The following MST1 variants were observed in gnomAD, a reference collection of about 807,000 sequenced individuals.
The protein encoded by MST1 is hepatocyte growth factor-like protein.
MST1 carries 76 observed loss-of-function variants against 100.1 expected under a neutral mutation model. That is an observed-to-expected ratio of 0.76 (90% CI 0.63 to 0.92). The LOEUF is 0.92. MST1 is among the 40% of genes least tolerant of loss of function. The pLI, the probability that MST1 is intolerant of heterozygous loss-of-function variation, is 0.00. For missense variants in MST1, 850 were observed against 990.0 expected (o/e 0.86, Z 1.90); for synonymous variants, 352 against 385.4 (o/e 0.91, Z 1.01).
In MST1 at chr3:49,686,659, C is replaced by G. The variant is rs1407398520; in HGVS notation, c.847+25G>C. The G allele has an allele frequency of 1.2e-5, 19 of 1,549,622 alleles. No homozygotes were observed. In the African/African-American group the frequency reaches 2.5e-4, roughly 20 times the overall value. On this transcript the variant is annotated intron_variant, in intron 7 of 17. Coordinates refer to ENST00000449682, the MANE Select transcript of MST1 (RefSeq NM_020998.4). Reference sequence around the variant, plus strand: ...CCTCCCCAAGGTTCCCAGGTACCCTCCCAGGCCTGGTCCCCGCCGCCTACC... The same window carrying G: ...CCTCCCCAAGGTTCCCAGGTACCCTGCCAGGCCTGGTCCCCGCCGCCTACC...
intron 9 of MST1, 43 bp from the exon 10 acceptor site, chr3:49,686,005 G>A: frequency 6.2e-7 from 1 of 1,603,098 alleles, no homozygotes; most frequent in South Asian, 1.1e-5. Context: ...ACCTCGCCCC[G>A]GCCCTCCGGT....
In MST1 at chr3:49,686,673, C is replaced by T; in HGVS notation, c.847+11G>A. ...CCAGGTACCCTCCCAGGCCTGGTCC[C>T]CGCCGCCTACCGCAGCGGGGGAGGT... is the stretch of plus-strand genomic sequence containing the variant. On this transcript the variant is annotated intron_variant, in intron 7 of 17. Transcript: ENST00000449682. 2 of 1,551,566 alleles carry T rather than the reference C, an allele frequency of 1.3e-6. No individual in the cohort carries two copies. Among genetic ancestry groups the T allele is most frequent in the Non-Finnish European group, 1.7e-6 (2 of 1,147,100 alleles).
chr3:49,686,198 C>A lies in MST1; in HGVS notation c.1017-6G>T. 6.2e-7 allele frequency: 1 copy of A among 1,610,930 alleles called. No individual in the cohort carries two copies. The highest frequency in any genetic ancestry group is 8.5e-7 in the Non-Finnish European group (1 of 1,179,348). ...AGAAGTTCTCCCGAAGGTCTCTAAG[C>A]AGGCGCTCCACTCAGCCCTAGCCCG... is the stretch of plus-strand genomic sequence containing the variant. On this transcript the variant is annotated splice_polypyrimidine_tract_variant and splice_region_variant and intron_variant, in intron 8 of 17. Coordinates refer to ENST00000449682, the MANE Select transcript of MST1 (RefSeq NM_020998.4).
In MST1 at chr3:49,686,305, C is replaced by CCG; in HGVS notation, c.1016+7_1016+8insCG. The CCG allele has an allele frequency of 6.7e-7, 1 of 1,500,566 alleles. No individual in the cohort carries two copies. The highest frequency in any genetic ancestry group is 9.0e-7 in the Non-Finnish European group (1 of 1,112,070). The allele number at this position is 1,500,566 out of a possible 1,614,324, so 93.0% of individuals were successfully genotyped here. On this transcript the variant is annotated splice_region_variant and intron_variant, in intron 8 of 17. Transcript: ENST00000449682. Reference sequence around the variant, plus strand: ...CGTCCCAACGCCCGCCCCCCCCCCCCACCTCACTTGCACGCGTATTTTTCT... The same window carrying CCG: ...CGTCCCAACGCCCGCCCCCCCCCCCCCGACCTCACTTGCACGCGTATTTTTCT...
rs1438963753 is a variant in MST1 at position 49,685,925 on chromosome 3, C to T, written c.1185G>A (p.Thr395=). The T allele has an allele frequency of 1.9e-6, 3 of 1,609,362 alleles. No individual in the cohort carries two copies. Among genetic ancestry groups the T allele is most frequent in the East Asian group, 2.2e-5 (1 of 44,834 alleles). The change falls in exon 10 of 18, where the codon ACG becomes ACA. Residue 395 remains threonine, a synonymous_variant. Coordinates refer to ENST00000449682, the MANE Select transcript of MST1 (RefSeq NM_020998.4). ...YHGAGEQYRG[T]VSKTRKGVQC... is the part of the protein sequence containing the mutation. ...GGACACCCTTGCGGGTCTTGCTGACCGTGCCGCGGTACTGCTCCCCTGCGC... is the reference window on the plus strand; with the variant it reads ...GGACACCCTTGCGGGTCTTGCTGACTGTGCCGCGGTACTGCTCCCCTGCGC...
At chr3:49,687,717 C>T in intron 2 of MST1, 33 bp downstream of exon 2, 1 of 1,613,540 alleles carries the variant, frequency 6.2e-7, no homozygotes, top group Middle Eastern at 1.7e-4. Flanking sequence ...GCTTCCCTGC[C>T]CCCAGTCTTA....
Position 49,684,794 on chromosome 3 carries a change from T to C in MST1, c.1713A>G (p.Val571=), listed in dbSNP as rs754909919. 2 of 1,613,568 alleles carry C rather than the reference T, an allele frequency of 1.2e-6. No individual in the cohort carries two copies. The highest frequency in any genetic ancestry group is 3.3e-5 in the Admixed American group (2 of 60,024). The change falls in exon 15 of 18, where the codon GTA becomes GTG. Residue 571 remains valine (V), a synonymous_variant. Coordinates refer to ENST00000449682, the MANE Select transcript of MST1 (RefSeq NM_020998.4). ...HGEPSLQRVP[V]AKMVCGPSGS... ...CTGAGGGCCCACACACCATCTTGGCTACTGGGACCCGCTGTAGGCTTGGCT... is the reference window on the plus strand; with the variant it reads ...CTGAGGGCCCACACACCATCTTGGCCACTGGGACCCGCTGTAGGCTTGGCT...
chr3:49,686,406 G>A lies in MST1; in HGVS notation c.923C>T (p.Thr308Ile). Residue 308 changes from threonine (T) to isoleucine (I), a missense_variant, in exon 8 of 18, where the codon ACA becomes ATA. Transcript: ENST00000449682. ...FRGKGEGYRG[T>I]ANTTTAGVPC... ...TACGCCCGCAGTGGTGGTATTGGCT[G>A]TGCCCCGGTAGCCCTCACCCTTCCC... The A allele has an allele frequency of 1.9e-6, 3 of 1,611,936 alleles. No individual in the cohort carries two copies. The highest frequency in any genetic ancestry group is 1.7e-6 in the Non-Finnish European group (2 of 1,179,756).
chr3:49,688,794 C>T lies in MST1; in HGVS notation c.-103G>A. On this transcript the variant is annotated 5_prime_UTR_variant, in exon 1 of 18. The change abolishes an upstream ATG in the 5' untranslated region. Transcript: ENST00000449682. ...TGACCTGAGACCTGGTGACAGGAGC[C>T]ATGAGGGGCCAGGCCTCAGGTCCCA... 2.3e-6 allele frequency: 2 copies of T among 872,006 alleles called. No homozygotes were observed. Among genetic ancestry groups the T allele is most frequent in the African/African-American group, 3.4e-5 (2 of 59,662 alleles). 54.0% of individuals were successfully genotyped at this position (872,006 alleles called of 1,614,324 possible).
At chr3:49,687,503 A>G (rs377740163) in intron 3 of MST1, 25 bp from the exon 4 acceptor site, 7 of 1,613,332 alleles carry the variant, frequency 4.3e-6, no homozygotes, top group African/African-American at 2.7e-5. Flanking sequence ...CAGAAGATCA[A>G]CTTGGGCTGA....
chr3:49,684,961 G>A (rs1297152851), intron 14 of MST1, 51 bp downstream of exon 14: 1 of 1,612,882 alleles, frequency 6.2e-7, no homozygotes, highest in African/African-American at 1.3e-5. Context: ...CTTGCCTGGG[G>A]AAGGGGGAAG....
rs1389468688 is a variant in MST1 at position 49,684,118 on chromosome 3, G to A, written c.2088C>T (p.Asn696=). 6.2e-7 allele frequency: 1 copy of A among 1,613,682 alleles called. No homozygotes were observed. The change falls in exon 18 of 18, where the codon AAC becomes AAT. Residue 696 remains asparagine, a synonymous_variant. Coordinates refer to ENST00000449682, the MANE Select transcript of MST1 (RefSeq NM_020998.4). ...CWVLEGIIIP[N]RVCARSRWPA... is the part of the protein sequence containing the mutation. ...GCCAGCGGGACCTTGCGCATACTCGGTTGGGGATTATAATTCCTTCCAGGA... is the reference window on the plus strand; with the variant it reads ...GCCAGCGGGACCTTGCGCATACTCGATTGGGGATTATAATTCCTTCCAGGA...
rs777701471 is a variant in MST1, at chr3:49,687,437, G to A, written c.397C>T (p.Arg133Trp). 12 of 1,613,244 alleles carry A rather than the reference G, an allele frequency of 7.4e-6. No individual in the cohort carries two copies. Among genetic ancestry groups the A allele is most frequent in the Middle Eastern group, 1.6e-4 (1 of 6,078 alleles). ...TCIMNNGVGYRGTMATTVGGL... is the reference protein window; with the variant it reads ...TCIMNNGVGYWGTMATTVGGL... ...CCCACGGTCGTGGCCATGGTGCCCC[G>A]GTACCCAACCCCATTGTTCATGATG... The change falls in exon 4 of 18, where the codon CGG becomes TGG. Residue 133 changes from arginine to tryptophan, a missense_variant. Arg to Trp is a moderately radical substitution (Grantham distance 101). Coordinates refer to ENST00000449682, the MANE Select transcript of MST1 (RefSeq NM_020998.4).
chr3:49,683,999 C>T lies in MST1; in HGVS notation c.*29G>A, dbSNP rs145946970. ...TATGTCTGACAAGAAGTTTTGTCCT[C>T]CCCAAGGCATATGGCATCAAGGCTG... On this transcript the variant is annotated 3_prime_UTR_variant, in exon 18 of 18. Transcript: ENST00000449682. The T allele has an allele frequency of 7.5e-5, 120 of 1,607,354 alleles. No individual in the cohort carries two copies. In the African/African-American group the frequency reaches 1.1e-3, roughly 14 times the overall value.
At chr3:49,684,926 C>T (rs778721577) in intron 14 of MST1, 42 bp from the exon 15 acceptor site, 2 of 1,613,554 alleles carry the variant, frequency 1.2e-6, no homozygotes, top group South Asian at 2.2e-5. Context: ...ACTCTCAGTC[C>T]ATTGCCCCAA....
At chr3:49,688,325 G>A (rs1201567637) in intron 1 of MST1, 30 of 506,798 alleles carry the variant, frequency 5.9e-5, no homozygotes, top group African/African-American at 4.0e-4. Flanking sequence ...GGTTAGAGGG[G>A]TAGATCAGGC....
intron 8 of MST1, 24 bp downstream of exon 8, chr3:49,686,289 G>GCCCACCCCCCCCCCCCCCCCCCC: frequency 4.0e-6 from 5 of 1,235,664 alleles, no homozygotes; most frequent in Non-Finnish European, 5.3e-6. Flanking sequence ...ACGTCCCAAC[G>GCCCACCCCCCCCCCCCCCCCCCC]CCCGCCCCCC....
rs771999839 is a variant in MST1 at position 49,685,886 on chromosome 3, C to T, written c.1224G>A (p.Trp408Ter). Residue 408 changes from tryptophan (W) to a stop codon, truncating the protein, a stop_gained, in exon 10 of 18, where the codon TGG becomes TGA. Coordinates refer to ENST00000449682, the MANE Select transcript of MST1 (RefSeq NM_020998.4). LOFTEE classifies it high-confidence loss of function. ...KTRKGVQCQR[W>*]SAETPHKPQF... Reference sequence around the variant, plus strand: ...GCGGCTTGTGCGGCGTCTCAGCGGACCAGCGCTGGCACTGGACACCCTTGC... The same window carrying T: ...GCGGCTTGTGCGGCGTCTCAGCGGATCAGCGCTGGCACTGGACACCCTTGC... The T allele has an allele frequency of 1.2e-6, 2 of 1,608,348 alleles. No homozygotes were observed. The highest frequency in any genetic ancestry group is 2.2e-5 in the South Asian group (2 of 90,848).
In MST1 at chr3:49,685,954, G is replaced by A. The variant is rs1385231580; in HGVS notation, c.1156C>T (p.His386Tyr). Residue 386 changes from histidine (H) to tyrosine (Y), a missense_variant, in exon 10 of 18, where the codon CAC becomes TAC. Physicochemically the swap from His to Tyr is moderately conservative, Grantham distance 83. Transcript: ENST00000449682. Reference sequence around the variant, plus strand: ...CCGCGGTACTGCTCCCCTGCGCCGTGGTAGCAGTCTGTGGCGGGTGCGGGC... The same window carrying A: ...CCGCGGTACTGCTCCCCTGCGCCGTAGTAGCAGTCTGTGGCGGGTGCGGGC... ...TDDVRPQDCY[H>Y]GAGEQYRGTV... 2 of 1,609,698 alleles carry A rather than the reference G, an allele frequency of 1.2e-6. No individual in the cohort carries two copies. Among genetic ancestry groups the A allele is most frequent in the Non-Finnish European group, 1.7e-6 (2 of 1,179,156 alleles).
Sources: allele counts gnomAD v4.1 joint callset, GRCh38; gene constraint gnomAD v4.1.1; transcripts MANE v1.5; gene names NCBI Gene and HGNC (gene_info 2026-07-23, HGNC 2026-07-21).